The following CLVS1 variants were observed in gnomAD, a reference collection of about 807,000 sequenced individuals.
The protein encoded by CLVS1 is clavesin-1.
Under a neutral mutation model 33.1 loss-of-function variants are expected in CLVS1, and 10 were observed. The ratio of observed to expected loss-of-function variants is 0.30; its 90% CI spans 0.19 to 0.51. The LOEUF (loss-of-function observed/expected upper bound fraction) is 0.51. CLVS1 is among the 20% of genes least tolerant of loss of function. The probability of loss-of-function intolerance (pLI) is 0.97; values close to 1 mark genes in which losing one functional copy is unlikely to be tolerated. For synonymous variants in CLVS1, 163 were observed against 166.1 expected (o/e 0.98, Z 0.14); for missense variants, 343 against 433.4 (o/e 0.79, Z 1.85).
rs907398094 is a variant in CLVS1, at chr8:61,445,605, T to C, written c.631-8536T>C. Among the ~76,000 whole-genome samples, 3 of 152,124 alleles carry C rather than the reference T, an allele frequency of 2.0e-5. No individual in the cohort carries two copies. In the South Asian group the frequency reaches 6.2e-4, roughly 32 times the overall value. On this transcript the variant is annotated intron_variant, in intron 3 of 5. Coordinates refer to ENST00000325897, the MANE Select transcript of CLVS1 (RefSeq NM_173519.3). ...TGCAGAACCATCAGCCAAATAAACC[T>C]CCTTTTTTTTATAATTTGTTTGATC...
rs59394782 is a variant in CLVS1 at position 61,088,487 on chromosome 8, CAAAAA to C, written c.-243+31272_-243+31276del. Reference sequence around the variant, plus strand: ...CCAAGGTAACAGAGCGAGACTGTCTCAAAAAAAAAAAAAAAAAAAGGAGCAATGTA... The same window carrying C: ...CCAAGGTAACAGAGCGAGACTGTCTCAAAAAAAAAAAAAAGGAGCAATGTA... On this transcript the variant is annotated intron_variant, in intron 1 of 2. Coordinates refer to the CLVS1 transcript ENST00000522621. Among the ~76,000 whole-genome samples the C allele has an allele frequency of 1.5e-3, 158 of 105,334 alleles. 1 individual carries two copies. The highest frequency in any genetic ancestry group is 4.6e-3 in the African/African-American group (148 of 32,346). 69.1% of individuals were successfully genotyped at this position (105,334 alleles called of 152,430 possible). A position where few individuals can be genotyped will look rare whatever the true frequency, so the allele number is the denominator to read the frequency against.
the CLVS1 span, among the ~76,000 whole-genome samples, chr8:61,024,010 G>A: frequency 6.6e-6 from 1 of 152,136 alleles, no homozygotes; most frequent in Non-Finnish European, 1.5e-5. Flanking sequence ...GCTGTGTCCC[G>A]GCGTATCTGG....
At chr8:61,265,634 C>T (rs1585733630) in intron 2 of CLVS1, among the ~76,000 whole-genome samples, 1 of 152,116 alleles carries the variant, frequency 6.6e-6, no homozygotes. Context: ...TTGACCACTT[C>T]TCACTATTCC....
chr8:61,146,329 G>T (rs143673189), intron 2 of CLVS1, among the ~76,000 whole-genome samples: 1 of 152,290 alleles, frequency 6.6e-6, no homozygotes, highest in East Asian at 1.9e-4. Context: ...CCCCTATTTA[G>T]TAAGGATTAA....
chr8:61,337,235 C>A (rs534260394), intron 2 of CLVS1, among the ~76,000 whole-genome samples: 18 of 152,278 alleles, frequency 1.2e-4, no homozygotes, highest in African/African-American at 4.3e-4. Flanking sequence ...CAGTCCCAAG[C>A]AAGTCTGCTG....
chr8:61,475,042 C>G (rs1012431842), intron 5 of CLVS1, among the ~76,000 whole-genome samples: 1 of 152,060 alleles, frequency 6.6e-6, no homozygotes, highest in Admixed American at 6.6e-5. Context: ...TGAGAACATG[C>G]AGGGTTTGGT....
chr8:61,204,741 G>T lies in CLVS1; in HGVS notation c.-152+72881G>T, dbSNP rs563825905. Among the ~76,000 whole-genome samples, 4 of 152,280 alleles carry T rather than the reference G, an allele frequency of 2.6e-5. No homozygotes were observed. The South Asian group carries it at 8.3e-4, about 32-fold the overall frequency. Reference sequence around the variant, plus strand: ...AATCCAGCTTCATTAAGCTCTCACAGGTCAGGTTATTCCACTAATAGATCA... The same window carrying T: ...AATCCAGCTTCATTAAGCTCTCACATGTCAGGTTATTCCACTAATAGATCA... On this transcript the variant is annotated intron_variant, in intron 2 of 2. Coordinates refer to the CLVS1 transcript ENST00000522621.
chr8:61,321,406 T>C (rs1811190105), intron 2 of CLVS1, among the ~76,000 whole-genome samples: 1 of 152,152 alleles, frequency 6.6e-6, no homozygotes, highest in Non-Finnish European at 1.5e-5. Context: ...GATTTTTTTT[T>C]CTTCTGGATG....
chr8:61,319,890 T>C, intron 2 of CLVS1, among the ~76,000 whole-genome samples: 1 of 152,174 alleles, frequency 6.6e-6, no homozygotes, highest in East Asian at 1.9e-4. Context: ...ATCTGAAAGG[T>C]TGATAAATTT....
the CLVS1 span, among the ~76,000 whole-genome samples, chr8:60,990,591 A>C: frequency 6.6e-6 from 1 of 152,202 alleles, no homozygotes; most frequent in Non-Finnish European, 1.5e-5. Context: ...AAAAGTGGCA[A>C]AATTAAAAGT....
intron 1 of CLVS1, among the ~76,000 whole-genome samples, chr8:61,105,333 T>A (rs1369993158): frequency 2.0e-5 from 3 of 152,230 alleles, no homozygotes; most frequent in Admixed American, 2.0e-4. Flanking sequence ...CAATTTCACA[T>A]AAAGCTTCTA....
At chr8:61,162,521 C>T (rs1216624605) in intron 2 of CLVS1, among the ~76,000 whole-genome samples, 1 of 152,216 alleles carries the variant, frequency 6.6e-6, no homozygotes, top group Non-Finnish European at 1.5e-5. Context: ...TCCTCGTTCT[C>T]TGTCTATGAA....
intron 2 of CLVS1, among the ~76,000 whole-genome samples, chr8:61,180,135 C>T (rs1807200989): frequency 6.6e-6 from 1 of 151,736 alleles, no homozygotes; most frequent in Admixed American, 6.6e-5. Context: ...CAAATGGACA[C>T]AATAAAAAAT....
At chr8:61,307,074 C>T (rs954634317) in intron 2 of CLVS1, among the ~76,000 whole-genome samples, 1 of 152,198 alleles carries the variant, frequency 6.6e-6, no homozygotes, top group African/African-American at 2.4e-5. Flanking sequence ...GTTGGTGAAT[C>T]CAGATAATAA....
intron 1 of CLVS1, among the ~76,000 whole-genome samples, chr8:61,295,655 C>T (rs1291093315): frequency 6.6e-6 from 1 of 152,142 alleles, no homozygotes; most frequent in Non-Finnish European, 1.5e-5. Context: ...TAAAATCTCT[C>T]TGCTACACAT....
chr8:61,019,796 G>A, the CLVS1 span, among the ~76,000 whole-genome samples: 1 of 151,984 alleles, frequency 6.6e-6, no homozygotes, highest in Non-Finnish European at 1.5e-5. Flanking sequence ...TCCTGCAATT[G>A]TACCTTCCAA....
At chr8:61,354,763 C>T (rs7830460) in intron 2 of CLVS1, among the ~76,000 whole-genome samples, 14,350 of 152,032 alleles carry the variant, frequency 0.094, 2,215 homozygotes, top group African/African-American at 0.32. Flanking sequence ...ATAACATTTT[C>T]GAAATGACAA....
At chr8:61,425,919 TGCATGAAGTTAGA>T (rs1231907519) in intron 3 of CLVS1, among the ~76,000 whole-genome samples, 1 of 152,234 alleles carries the variant, frequency 6.6e-6, no homozygotes, top group Non-Finnish European at 1.5e-5. Context: ...AACACCATTT[TGCATGAAGTTAGA>T]GCATTAAGTT....
At chr8:61,410,301 C>T (rs192947748) in intron 3 of CLVS1, among the ~76,000 whole-genome samples, 7 of 152,106 alleles carry the variant, frequency 4.6e-5, no homozygotes, top group Middle Eastern at 3.4e-3. Context: ...TTTATGGAAA[C>T]GTTTATTTTC....
Sources: gnomAD v4.1 joint callset for allele counts (sites outside exome capture counted in the v4.1 genomes callset) on GRCh38, gnomAD v4.1.1 for gene constraint, MANE v1.5 for transcripts, NCBI Gene and HGNC (gene_info 2026-07-23, HGNC 2026-07-21) for gene names.